TMA16: variants seen among roughly 807,000 people sequenced by gnomAD.
TMA16 encodes the protein translation machinery associated 16 homolog.
A neutral mutation model predicts 27.1 loss-of-function variants in TMA16; 26 were observed. The observed-to-expected ratio is 0.96, with a 90% CI of 0.70 to 1.33. The LOEUF (loss-of-function observed/expected upper bound fraction) is 1.33, where lower values mean the gene tolerates loss of function less well. TMA16 is among the 40% of genes most tolerant of loss of function. TMA16 has a pLI of 0.00. For synonymous variants in TMA16, 71 were observed against 81.9 expected, an observed-to-expected ratio of 0.87 and a Z score of 0.72; for missense variants, 233 against 241.4, an observed-to-expected ratio of 0.97 and a Z score of 0.23.
chr4:163,499,836 CAT>C (rs1421780845), intron 1 of TMA16, among the ~76,000 whole-genome samples: 2 of 152,130 alleles, frequency 1.3e-5, no homozygotes, highest in African/African-American at 2.4e-5. Flanking sequence ...AATTTATTTA[CAT>C]TTTTTGAGTG....
chr4:163,518,161 G>A (rs1329159157), intron 6 of TMA16, among the ~76,000 whole-genome samples: 1 of 152,038 alleles, frequency 6.6e-6, no homozygotes, highest in African/African-American at 2.4e-5. Flanking sequence ...ATTACCCAGT[G>A]TCTATTGTTC....
intron 1 of TMA16, 164 bp downstream of exon 1, chr4:163,494,968 G>T: frequency 2.0e-6 from 2 of 1,011,548 alleles, no homozygotes; most frequent in Non-Finnish European, 1.4e-6. Context: ...CCTCTGGGAG[G>T]CGAGTCCCAG....
chr4:163,499,554 T>A (rs1737614992), intron 1 of TMA16, among the ~76,000 whole-genome samples: 5 of 152,194 alleles, frequency 3.3e-5, no homozygotes, highest in Admixed American at 2.6e-4. Context: ...GGGATATTAG[T>A]TGAGGACACA....
intron 1 of TMA16, among the ~76,000 whole-genome samples, chr4:163,495,910 T>C (rs1737546803): frequency 1.3e-5 from 2 of 152,222 alleles, no homozygotes; most frequent in African/African-American, 2.4e-5. Context: ...TCCAACTCTT[T>C]ATAGTGTTAG....
chr4:163,516,523 T>C lies in TMA16; in HGVS notation c.389-911T>C, dbSNP rs115667115. 4.9e-3 allele frequency among the ~76,000 whole-genome samples: 744 copies of C among 152,360 alleles called. 9 individuals carry two copies. Among genetic ancestry groups the C allele is most frequent in the African/African-American group, 0.017 (716 of 41,586 alleles). On this transcript the variant is annotated intron_variant, in intron 5 of 6. Coordinates refer to ENST00000358572, the MANE Select transcript of TMA16 (RefSeq NM_018352.3). ...TAGCAAACATGCTTATTTTATCTTC[T>C]TTATTACTTGATACTAAATTTCATT...
chr4:163,518,018 A>G (rs937501474), intron 6 of TMA16, among the ~76,000 whole-genome samples: 1 of 151,592 alleles, frequency 6.6e-6, no homozygotes, highest in Admixed American at 6.6e-5. Context: ...TCAGAGGTAC[A>G]TGAGTAGGTT....
At chr4:163,515,625 T>C (rs931388917) in intron 5 of TMA16, 164 bp downstream of exon 5, 67 of 718,910 alleles carry the variant, frequency 9.3e-5, no homozygotes, top group Middle Eastern at 7.7e-4. Flanking sequence ...TCTTTTTTTT[T>C]CCCCTACATT....
chr4:163,512,743 T>C (rs1579019182), intron 2 of TMA16, 79 bp from the exon 3 acceptor site: 1 of 1,079,166 alleles, frequency 9.3e-7, no homozygotes, highest in Non-Finnish European at 1.4e-6. Context: ...TAGGCAGTTT[T>C]TCTTTTCGTT....
At chr4:163,512,013 CT>C (rs111789578) in intron 2 of TMA16, among the ~76,000 whole-genome samples, 251 of 143,868 alleles carry the variant, frequency 1.7e-3, no homozygotes, top group Admixed American at 2.1e-3. Flanking sequence ...TAGTCCCTAT[CT>C]TTTTTTTTTT....
chr4:163,512,819 A>G lies in TMA16; in HGVS notation c.117-3A>G. ...AACACATATATTTACCTTTCCTTCA[A>G]AGATTGAAGAATGAAAAGGCCTTGC... On this transcript the variant is annotated splice_region_variant and splice_polypyrimidine_tract_variant and intron_variant, in intron 2 of 6. Transcript: ENST00000358572. 2 of 1,596,322 alleles carry G rather than the reference A, an allele frequency of 1.3e-6. No homozygotes were observed. The highest frequency in any genetic ancestry group is 8.6e-7 in the Non-Finnish European group (1 of 1,169,158).
intron 1 of TMA16, among the ~76,000 whole-genome samples, chr4:163,503,408 G>T (rs887444661): frequency 6.6e-6 from 1 of 152,140 alleles, no homozygotes; most frequent in Admixed American, 6.6e-5. Flanking sequence ...GTTTCACTGA[G>T]TAGTCTAAAT....
chr4:163,519,464 C>A lies in TMA16; in HGVS notation c.562C>A (p.Leu188Ile). 1 of 1,604,466 alleles carries A rather than the reference C, an allele frequency of 6.2e-7. No homozygotes were observed. Among genetic ancestry groups the A allele is most frequent in the Non-Finnish European group, 8.5e-7 (1 of 1,176,764 alleles). ...AGACCAAGATTTGGGGGAATTGGAA[C>A]TAAACGATGAATCAAGTGATTCAGA... is the stretch of plus-strand genomic sequence containing the variant. ...TVDQDLGELE[L>I]NDESSDSDEE... Residue 188 changes from leucine (L) to isoleucine (I), a missense_variant, in exon 7 of 7, where the codon CTA becomes ATA. By Grantham distance (5) the Leu-to-Ile change is conservative. Coordinates refer to ENST00000358572, the MANE Select transcript of TMA16 (RefSeq NM_018352.3).
intron 1 of TMA16, 95 bp downstream of exon 1, chr4:163,494,899 A>T: frequency 6.5e-7 from 1 of 1,531,970 alleles, no homozygotes; most frequent in Non-Finnish European, 8.9e-7. Flanking sequence ...TCGGGAACCT[A>T]GGAGAGGGGA....
intron 2 of TMA16, among the ~76,000 whole-genome samples, chr4:163,510,753 C>T (rs1252629251): frequency 6.6e-6 from 1 of 152,168 alleles, no homozygotes; most frequent in Admixed American, 6.5e-5. Flanking sequence ...TGTTGGAAAA[C>T]ATCAATGCTG....
chr4:163,497,586 T>A (rs867850061), intron 1 of TMA16, among the ~76,000 whole-genome samples: 1 of 152,128 alleles, frequency 6.6e-6, no homozygotes. Context: ...CTACATTCTT[T>A]GGCTCCTTCC....
At chr4:163,495,968 T>C (rs1003591346) in intron 1 of TMA16, among the ~76,000 whole-genome samples, 10 of 152,208 alleles carry the variant, frequency 6.6e-5, no homozygotes, top group African/African-American at 2.4e-4. Flanking sequence ...TACATCTCAT[T>C]GTGTTTGAGT....
chr4:163,504,360 G>A (rs1025754388), intron 1 of TMA16, among the ~76,000 whole-genome samples: 1 of 152,100 alleles, frequency 6.6e-6, no homozygotes, highest in African/African-American at 2.4e-5. Flanking sequence ...CAATATTTAT[G>A]ATCTCTCCCT....
chr4:163,512,552 A>G (rs1737813844), intron 2 of TMA16: 1 of 300,688 alleles, frequency 3.3e-6, no homozygotes, highest in African/African-American at 2.1e-5. Flanking sequence ...CAATTCAGAA[A>G]AGCTTTCAGT....
In TMA16 at chr4:163,507,157, T is replaced by A. The variant is rs773236119; in HGVS notation, c.116+12T>A. ...GAAAAAAAGGAAAAGTAAGTATCTT[T>A]TCATCATTTGTATTACTCGTTGGTA... On this transcript the variant is annotated intron_variant, in intron 2 of 6. Transcript: ENST00000358572. The A allele has an allele frequency of 3.2e-6, 5 of 1,555,576 alleles. No homozygotes were observed. The South Asian group carries it at 5.9e-5, about 18-fold the overall frequency.
Sources: gnomAD v4.1 joint callset for allele counts (sites outside exome capture counted in the v4.1 genomes callset) on GRCh38, gnomAD v4.1.1 for gene constraint, MANE v1.5 for transcripts, NCBI Gene and HGNC (gene_info 2026-07-23, HGNC 2026-07-21) for gene names.